RASGEF1C: variants seen among roughly 807,000 people sequenced by gnomAD.
The protein encoded by RASGEF1C is RasGEF domain family member 1C.
In RASGEF1C, 27 loss-of-function variants were observed where a neutral mutation model predicts 58.1. That is an observed-to-expected ratio of 0.46 (90% CI 0.34 to 0.64). RASGEF1C has a LOEUF of 0.64. Among genes scored for constraint, RASGEF1C ranks in the 30% least tolerant of loss-of-function variants. The pLI, the probability that RASGEF1C is intolerant of heterozygous loss-of-function variation, is 0.01. For missense variants in RASGEF1C, 502 were observed against 605.1 expected (o/e 0.83, Z 1.79); for synonymous variants, 243 against 246.3 (o/e 0.99, Z 0.13).
intron 1 of RASGEF1C, among the ~76,000 whole-genome samples, chr5:180,185,787 TA>T: frequency 6.6e-6 from 1 of 152,030 alleles, no homozygotes; most frequent in South Asian, 2.1e-4. Context: ...CAACTGGAGT[TA>T]AAAACCTTCT....
intron 12 of RASGEF1C, among the ~76,000 whole-genome samples, chr5:180,103,281 G>T (rs1023206102): frequency 9.2e-5 from 14 of 152,158 alleles, no homozygotes; most frequent in Non-Finnish European, 1.8e-4. Flanking sequence ...GTTTCACCGT[G>T]TTAGCCAGGA....
At chr5:180,203,933 G>C (rs1299929557) in intron 1 of RASGEF1C, among the ~76,000 whole-genome samples, 1 of 151,988 alleles carries the variant, frequency 6.6e-6, no homozygotes, top group African/African-American at 2.4e-5. Context: ...GCAGAGGTTG[G>C]AGTGAGCCGA....
chr5:180,207,661 G>A (rs1490190100), intron 1 of RASGEF1C, among the ~76,000 whole-genome samples: 1 of 133,476 alleles, frequency 7.5e-6, no homozygotes, highest in Non-Finnish European at 1.6e-5. Flanking sequence ...CCGGCAGTGC[G>A]CCCACCCGCC....
rs1275344181 is a variant in RASGEF1C at position 180,197,028 on chromosome 5, C to G, written c.-7+12000G>C. 6.6e-6 allele frequency among the ~76,000 whole-genome samples: 1 copy of G among 152,214 alleles called. No homozygotes were observed. Among genetic ancestry groups the G allele is most frequent in the Non-Finnish European group, 1.5e-5 (1 of 68,048 alleles). ...AGCTGGGTGTGCTGCCCGAGGCTGG[C>G]GTCGGTGAGGCTCCCCTCAGACCTC... On this transcript the variant is annotated intron_variant, in intron 1 of 13. Coordinates refer to ENST00000361132, the MANE Select transcript of RASGEF1C (RefSeq NM_175062.4). The surrounding 1 kb of genome is among the most constrained non-coding windows in gnomAD (Gnocchi z 4.7).
intron 1 of RASGEF1C, among the ~76,000 whole-genome samples, chr5:180,191,592 G>A (rs990452000): frequency 1.8e-4 from 27 of 152,134 alleles, no homozygotes; most frequent in Non-Finnish European, 1.8e-4. Context: ...TCCTGACCTC[G>A]TGATCCGCCC....
chr5:180,123,161 T>A (rs1047069187), intron 6 of RASGEF1C, among the ~76,000 whole-genome samples: 1 of 152,226 alleles, frequency 6.6e-6, no homozygotes, highest in African/African-American at 2.4e-5. Context: ...AAGGGTCAGC[T>A]CATCAGGGAT....
intron 1 of RASGEF1C, among the ~76,000 whole-genome samples, chr5:180,146,380 A>T (rs1766661395): frequency 6.6e-6 from 1 of 152,122 alleles, no homozygotes; most frequent in African/African-American, 2.4e-5. Context: ...CCAACTCCTG[A>T]GCTCAAGTGA....
At chr5:180,203,128 A>G (rs1396589703) in intron 1 of RASGEF1C, among the ~76,000 whole-genome samples, 1 of 152,214 alleles carries the variant, frequency 6.6e-6, no homozygotes. Context: ...GGCAGTTTCT[A>G]TGGTGCTCAC....
chr5:180,118,547 C>G, intron 10 of RASGEF1C, 62 bp downstream of exon 10: 1 of 1,445,800 alleles, frequency 6.9e-7, no homozygotes, highest in South Asian at 1.3e-5. Flanking sequence ...AGCAAGTGAA[C>G]TCTGAGCCAG....
At chr5:180,176,561 T>TA (rs1409660315) in intron 1 of RASGEF1C, among the ~76,000 whole-genome samples, 1 of 150,664 alleles carries the variant, frequency 6.6e-6, no homozygotes, top group Non-Finnish European at 1.5e-5. Flanking sequence ...TAATACTTTT[T>TA]TTTTTTTTTT....
At chr5:180,181,664 T>C (rs1414747242) in intron 1 of RASGEF1C, among the ~76,000 whole-genome samples, 2 of 152,198 alleles carry the variant, frequency 1.3e-5, no homozygotes, top group Non-Finnish European at 2.9e-5. Flanking sequence ...AGGGTTCTAT[T>C]GGGTTCAGAG....
intron 12 of RASGEF1C, among the ~76,000 whole-genome samples, chr5:180,107,752 G>C (rs1765894477): frequency 6.6e-6 from 1 of 152,112 alleles, no homozygotes; most frequent in South Asian, 2.1e-4. Flanking sequence ...GGGATTATAG[G>C]CATGTGCCAC....
chr5:180,137,965 C>T lies in RASGEF1C; in HGVS notation c.88G>A (p.Gly30Arg). The change falls in exon 2 of 14, where the codon GGG becomes AGG. Residue 30 changes from glycine (G) to arginine (R), a missense_variant. Coordinates refer to ENST00000361132, the MANE Select transcript of RASGEF1C (RefSeq NM_175062.4). This position sits in a 1 kb window ranked among gnomAD's most constrained non-coding sequence, Gnocchi z 4.1. ...GGCGCTCCATCCAGGAGGGGCTGCC[C>T]AGCCTGTTCGCCATCTGTGGGCTCG... ...PTEPTDGEQA[G>R]QPLLDGAPSS... The T allele has an allele frequency of 6.2e-7, 1 of 1,606,350 alleles. No homozygotes were observed. The highest frequency in any genetic ancestry group is 8.5e-7 in the Non-Finnish European group (1 of 1,177,472).
At chr5:180,146,457 G>A (rs574152479) in intron 1 of RASGEF1C, among the ~76,000 whole-genome samples, 97 of 152,142 alleles carry the variant, frequency 6.4e-4, no homozygotes, top group African/African-American at 2.3e-3. Flanking sequence ...TTTTTCATAT[G>A]TGACTTTTAT....
At chr5:180,118,927 T>C in intron 8 of RASGEF1C, 61 bp from the exon 9 acceptor site, 3 of 1,483,418 alleles carry the variant, frequency 2.0e-6, no homozygotes. Flanking sequence ...TCTGCGTAGC[T>C]GCACCCCCTT....
chr5:180,196,538 T>C (rs72823726), intron 1 of RASGEF1C, among the ~76,000 whole-genome samples: 2,226 of 152,120 alleles, frequency 0.015, 23 homozygotes, highest in Non-Finnish European at 0.025. Context: ...GAAATAGTAT[T>C]GTTCAGGTTT....
At chr5:180,102,195 T>A in intron 12 of RASGEF1C, 52 bp from the exon 13 acceptor site, 1 of 1,075,990 alleles carries the variant, frequency 9.3e-7, no homozygotes, top group Non-Finnish European at 1.4e-6. Context: ...GATAATAACC[T>A]GTTCTACACC....
intron 11 of RASGEF1C, among the ~76,000 whole-genome samples, chr5:180,113,658 C>T (rs1478131913): frequency 5.7e-5 from 4 of 70,618 alleles, no homozygotes; most frequent in African/African-American, 1.9e-4. Flanking sequence ...CGGGGATGGA[C>T]GGAGGGACCG....
chr5:180,111,219 A>C (rs1166590557), intron 12 of RASGEF1C, among the ~76,000 whole-genome samples: 4 of 151,968 alleles, frequency 2.6e-5, no homozygotes, highest in African/African-American at 9.7e-5. Flanking sequence ...TCCGGGGAGG[A>C]GCCTGGCCCC....
Sources: allele counts gnomAD v4.1 joint callset (sites outside exome capture counted in the v4.1 genomes callset), GRCh38; gene constraint gnomAD v4.1.1; non-coding constraint Gnocchi (gnomAD v3.1); transcripts MANE v1.5; gene names NCBI Gene and HGNC (gene_info 2026-07-23, HGNC 2026-07-21).